BTRC: variants seen among roughly 807,000 people sequenced by gnomAD.
BTRC encodes beta-transducin repeat containing E3 ubiquitin protein ligase.
Under a neutral mutation model 85.5 loss-of-function variants are expected in BTRC, and 42 were observed. The observed-to-expected ratio is 0.49, with a 90% CI of 0.38 to 0.64. BTRC has a LOEUF of 0.64. Ranked by LOEUF, BTRC falls within the 30% of genes least tolerant of loss-of-function variation. The probability of loss-of-function intolerance (pLI) is 0.00; values close to 1 mark genes in which losing one functional copy is unlikely to be tolerated. For synonymous variants in BTRC, 255 were observed against 263.3 expected (o/e 0.97, Z 0.30); for missense variants, 594 against 743.5 (o/e 0.80, Z 2.34).
intron 4 of BTRC, among the ~76,000 whole-genome samples, chr10:101,507,504 T>G (rs1946573446): frequency 6.6e-6 from 1 of 152,202 alleles, no homozygotes; most frequent in Non-Finnish European, 1.5e-5. Context: ...TAAATCTTAC[T>G]TGAGAGCTGG....
At chr10:101,487,930 C>T (rs2134249457) in intron 4 of BTRC, among the ~76,000 whole-genome samples, 1 of 152,280 alleles carries the variant, frequency 6.6e-6, no homozygotes, top group Non-Finnish European at 1.5e-5. Flanking sequence ...TGGTTGCAGG[C>T]TTAAGAAATA....
At chr10:101,532,775 T>TGC (rs2062310127) in intron 8 of BTRC, among the ~76,000 whole-genome samples, 177 bp from the exon 9 acceptor site, 1 of 72,388 alleles carries the variant, frequency 1.4e-5, no homozygotes, top group Admixed American at 1.3e-4. Context: ...TGTGTGTGTG[T>TGC]GTGTGTGTGT....
At chr10:101,447,416 T>C (rs1944855481) in intron 2 of BTRC, among the ~76,000 whole-genome samples, 1 of 152,182 alleles carries the variant, frequency 6.6e-6, no homozygotes, top group South Asian at 2.1e-4. Context: ...CAACTATTCC[T>C]TCATTGTATA....
chr10:101,521,765 G>A lies in BTRC; in HGVS notation c.451G>A (p.Glu151Lys). ...GCAGTGGTCAGAGTCAGATCAAGTG[G>A]AATTTGTGGAACATCTTATATCCCA... Reference protein sequence around the residue: ...FEQWSESDQVEFVEHLISQMC... With the variant: ...FEQWSESDQVKFVEHLISQMC... The change falls in exon 5 of 15, where the codon GAA (glutamate) becomes AAA (lysine). Residue 151 changes from glutamate (E) to lysine (K), a missense_variant. Physicochemically the swap from Glu to Lys is moderately conservative, Grantham distance 56. Around this residue, in one of 4 missense-constraint regions of BTRC, gnomAD observed 163 missense variants for 180.5 expected, o/e 0.90. Transcript: ENST00000370187. 1 of 1,614,036 alleles carries A rather than the reference G, an allele frequency of 6.2e-7. No individual in the cohort carries two copies. The highest frequency in any genetic ancestry group is 1.3e-5 in the African/African-American group (1 of 75,024).
intron 1 of BTRC, among the ~76,000 whole-genome samples, chr10:101,376,782 TG>T (rs1193666504): frequency 4.6e-5 from 7 of 152,124 alleles, no homozygotes; most frequent in Admixed American, 1.3e-4. Flanking sequence ...GGTAAGGTGG[TG>T]GTGGTGGTGG....
intron 1 of BTRC, among the ~76,000 whole-genome samples, chr10:101,378,341 G>A (rs370536242): frequency 6.6e-6 from 1 of 152,134 alleles, no homozygotes; most frequent in South Asian, 2.1e-4. Context: ...TTCACATTTG[G>A]AATGCATACT....
At chr10:101,442,925 T>C (rs1944727176) in intron 2 of BTRC, among the ~76,000 whole-genome samples, 1 of 141,608 alleles carries the variant, frequency 7.1e-6, no homozygotes, top group Admixed American at 7.3e-5. Context: ...GGAGTCTCGC[T>C]CTGTCACCCA....
intron 5 of BTRC, among the ~76,000 whole-genome samples, chr10:101,522,352 T>TAAAAAAAAAAAAAAAAAAAAAA (rs34282047): frequency 2.4e-5 from 1 of 42,060 alleles, no homozygotes; most frequent in Non-Finnish European, 5.1e-5. Context: ...TATAAAGCTT[T>TAAAAAAAAAAAAAAAAAAAAAA]AAAAAAAAAA....
At chr10:101,436,114 C>G (rs1039788625) in intron 2 of BTRC, among the ~76,000 whole-genome samples, 1 of 152,076 alleles carries the variant, frequency 6.6e-6, no homozygotes, top group Non-Finnish European at 1.5e-5. Flanking sequence ...TTATTTTCAT[C>G]ATTCCATTGA....
At position 101,530,682 on chromosome 10, in the gene BTRC, G is replaced by A. The variant is rs187671813; in HGVS notation, c.744-555G>A. 2.0e-3 allele frequency among the ~76,000 whole-genome samples: 300 copies of A among 151,772 alleles called. 1 individual carries two copies. The highest frequency in any genetic ancestry group is 7.0e-3 in the African/African-American group (288 of 41,354). The stretch of plus-strand genomic sequence containing the variant: ...AATATTCCTAAAGGCTTGGTACTCC[G>A]ATGTTCTACACTGGAAATAATCATG... On this transcript the variant is annotated intron_variant, in intron 6 of 14. Coordinates refer to ENST00000370187, the MANE Select transcript of BTRC (RefSeq NM_033637.4).
Position 101,452,939 on chromosome 10 carries a change from A to G in BTRC, c.157-9042A>G, listed in dbSNP as rs148859409. Among the ~76,000 whole-genome samples the G allele has an allele frequency of 5.3e-5, 8 of 152,326 alleles. No individual in the cohort carries two copies. In the East Asian group the frequency reaches 1.5e-3, roughly 29 times the overall value. On this transcript the variant is annotated intron_variant, in intron 2 of 14. Transcript: ENST00000370187. Reference sequence around the variant, plus strand: ...GATTTTCCGAACAGCTTCTGAACTTAAATGACCTAAGTTTTCCCCATTGTA... The same window carrying G: ...GATTTTCCGAACAGCTTCTGAACTTGAATGACCTAAGTTTTCCCCATTGTA...
chr10:101,438,389 C>T lies in BTRC; in HGVS notation c.156+7937C>T, dbSNP rs1210824756. ...GCAGTGAGCCGAGATCGCGCCACTACACTCCAGCCTGGGCGACAGAGCGAG... is the reference window on the plus strand; with the variant it reads ...GCAGTGAGCCGAGATCGCGCCACTATACTCCAGCCTGGGCGACAGAGCGAG... On this transcript the variant is annotated intron_variant, in intron 2 of 14. Coordinates refer to ENST00000370187, the MANE Select transcript of BTRC (RefSeq NM_033637.4). Among the ~76,000 whole-genome samples, 3 of 129,734 alleles carry T rather than the reference C, an allele frequency of 2.3e-5. No homozygotes were observed. In the East Asian group the frequency reaches 6.9e-4, roughly 30 times the overall value. 85.1% of individuals were successfully genotyped at this position (129,734 alleles called of 152,430 possible).
chr10:101,492,413 C>T (rs974144714), intron 4 of BTRC, among the ~76,000 whole-genome samples: 7 of 152,108 alleles, frequency 4.6e-5, no homozygotes, highest in Non-Finnish European at 1.0e-4. Flanking sequence ...GAATATGCCA[C>T]TTGTGGATTA....
rs1006253707 is a variant in BTRC, at chr10:101,555,545, G to A, written c.*2422G>A. ...AAACTTGAATCGTTCACATTTCTCA[G>A]CTCTGGGGGTCATTTACCAGTTTGT... On this transcript the variant is annotated 3_prime_UTR_variant, in exon 15 of 15. Transcript: ENST00000370187. The A allele has an allele frequency of 6.6e-6, 1 of 152,546 alleles. No individual in the cohort carries two copies. The highest frequency in any genetic ancestry group is 1.5e-5 in the Non-Finnish European group (1 of 68,038). 9.4% of individuals were successfully genotyped at this position (152,546 alleles called of 1,614,324 possible). A position where few individuals can be genotyped will look rare whatever the true frequency, so the allele number is the denominator to read the frequency against.
chr10:101,362,764 A>G (rs1388903141), intron 1 of BTRC, among the ~76,000 whole-genome samples: 1 of 152,234 alleles, frequency 6.6e-6, no homozygotes, highest in African/African-American at 2.4e-5. Context: ...CTGGTCCCTC[A>G]TATTTGTGGG....
At chr10:101,543,941 GCT>G (rs1196170774) in intron 13 of BTRC, among the ~76,000 whole-genome samples, 1 of 152,114 alleles carries the variant, frequency 6.6e-6, no homozygotes, top group Admixed American at 6.5e-5. Context: ...ACGGAGTCTT[GCT>G]CTGTCACCCA....
chr10:101,505,639 AATAAT>A (rs781015086), intron 4 of BTRC, among the ~76,000 whole-genome samples: 4 of 149,364 alleles, frequency 2.7e-5, no homozygotes, highest in Non-Finnish European at 6.0e-5. Context: ...AAAAAAAAAA[AATAAT>A]AATAAAAAAA....
At chr10:101,468,650 TTCCTA>T (rs1013494326) in intron 3 of BTRC, among the ~76,000 whole-genome samples, 26 of 152,324 alleles carry the variant, frequency 1.7e-4, no homozygotes, top group Non-Finnish European at 2.9e-4. Context: ...AGTCCCTGTC[TTCCTA>T]TACCCCCACT....
chr10:101,476,362 T>C (rs751194948), intron 3 of BTRC, among the ~76,000 whole-genome samples: 10 of 152,194 alleles, frequency 6.6e-5, no homozygotes, highest in Non-Finnish European at 1.5e-4. Context: ...TTCTGTACTT[T>C]ATATAGTACC....
Sources: allele counts gnomAD v4.1 joint callset (sites outside exome capture counted in the v4.1 genomes callset), GRCh38; gene constraint gnomAD v4.1.1; regional missense constraint gnomAD v4.1.1; transcripts MANE v1.5; gene names NCBI Gene and HGNC (gene_info 2026-07-23, HGNC 2026-07-21).